FAM200B: variants seen among roughly 807,000 people sequenced by gnomAD.
The protein encoded by FAM200B is zinc finger BED-type containing 11.
FAM200B carries 32 observed loss-of-function variants against 33.1 expected under a neutral mutation model. The ratio of observed to expected loss-of-function variants is 0.97; its 90% confidence interval spans 0.73 to 1.30. The LOEUF is 1.30. Among genes scored for constraint, FAM200B ranks in the 50% most tolerant of loss-of-function variants. FAM200B has a pLI of 0.00. For missense variants in FAM200B, 741 were observed against 754.0 expected, an observed-to-expected ratio of 0.98 and a Z score of 0.20; for synonymous variants, 240 against 264.8, an observed-to-expected ratio of 0.91 and a Z score of 0.91.
chr4:15,645,488 C>A, the FAM200B span, among the ~76,000 whole-genome samples: 1 of 152,024 alleles, frequency 6.6e-6, no homozygotes, highest in Admixed American at 6.6e-5. Context: ...AGTGCAGGGG[C>A]ATGATCTCAG....
chr4:15,684,803 C>T (rs934529754), intron 1 of FAM200B: 1 of 152,116 alleles, frequency 6.6e-6, no homozygotes, highest in East Asian at 1.9e-4. Flanking sequence ...CTAATGTCCT[C>T]GACAGAGGAC....
the FAM200B span, chr4:15,638,356 T>C: frequency 4.1e-6 from 2 of 493,258 alleles, no homozygotes; most frequent in Non-Finnish European, 7.0e-6. Context: ...ACCATCGTCT[T>C]CAATTAAATT....
Position 15,690,072 on chromosome 4 carries a change from C to G in FAM200B, c.*1121C>G, listed in dbSNP as rs1393276725. On this transcript the variant is annotated 3_prime_UTR_variant, in exon 2 of 2. Transcript: ENST00000422728. ...TAACATCTCTAATTTGCAGTCATTCCCAAGAGTAATTATTAAATATGTGGC... is the reference window on the plus strand; with the variant it reads ...TAACATCTCTAATTTGCAGTCATTCGCAAGAGTAATTATTAAATATGTGGC... 6.0e-6 allele frequency: 1 copy of G among 166,920 alleles called. No individual in the cohort carries two copies. The highest frequency in any genetic ancestry group is 6.5e-5 in the Admixed American group (1 of 15,272). 10.3% of individuals were successfully genotyped at this position (166,920 alleles called of 1,614,324 possible).
At chr4:15,652,610 T>C in the FAM200B span, among the ~76,000 whole-genome samples, 1 of 152,200 alleles carries the variant, frequency 6.6e-6, no homozygotes, top group African/African-American at 2.4e-5. Context: ...TCTCATCCTA[T>C]TCACCTTTAT....
chr4:15,644,652 C>G, the FAM200B span: 2 of 1,613,970 alleles, frequency 1.2e-6, no homozygotes, highest in Non-Finnish European at 1.7e-6. Context: ...AAGTAGCATA[C>G]AAAGACTGCA....
chr4:15,670,635 C>G, the FAM200B span, among the ~76,000 whole-genome samples: 11 of 151,952 alleles, frequency 7.2e-5, no homozygotes, highest in African/African-American at 2.7e-4. Context: ...GCCCCTGGGC[C>G]CCTCCCCCCA....
rs1268376734 is a variant in FAM200B at position 15,688,318 on chromosome 4, G to A, written c.1341G>A (p.Gln447=). 6.5e-7 allele frequency: 1 copy of A among 1,550,188 alleles called. No individual in the cohort carries two copies. Among genetic ancestry groups the A allele is most frequent in the African/African-American group, 1.4e-5 (1 of 72,998 alleles). ...SILNELSLKL[Q]GKNSDVFQHV... is the part of the protein sequence containing the mutation. ...TTAATGAACTGAGTTTAAAACTACA[G>A]GGGAAAAACAGTGATGTATTCCAAC... Residue 447 remains glutamine (Q), a synonymous_variant, in exon 2 of 2, where the codon CAG becomes CAA. Coordinates refer to ENST00000422728, the MANE Select transcript of FAM200B (RefSeq NM_001145191.2).
the FAM200B span, among the ~76,000 whole-genome samples, chr4:15,661,563 A>C: frequency 7.2e-5 from 11 of 152,234 alleles, no homozygotes; most frequent in Admixed American, 3.3e-4. Flanking sequence ...TAACTGGAGA[A>C]GGGACTTGTC....
At chr4:15,672,038 T>C in the FAM200B span, among the ~76,000 whole-genome samples, 6 of 152,348 alleles carry the variant, frequency 3.9e-5, no homozygotes, top group Admixed American at 2.0e-4. Flanking sequence ...ATTGTGGATT[T>C]TACCTTTCTA....
Position 15,687,807 on chromosome 4 carries a change from A to G in FAM200B, c.830A>G (p.Glu277Gly). The G allele has an allele frequency of 6.4e-7, 1 of 1,551,058 alleles. No homozygotes were observed. The highest frequency in any genetic ancestry group is 8.7e-7 in the Non-Finnish European group (1 of 1,146,654). Residue 277 changes from glutamate (E) to glycine (G), a missense_variant, in exon 2 of 2, where the codon GAA (glutamate) becomes GGA (glycine). Coordinates refer to ENST00000422728, the MANE Select transcript of FAM200B (RefSeq NM_001145191.2). ...LSGLDIFTEL[E>G]RRIVGQYKLN... is the part of the protein sequence containing the mutation. The stretch of plus-strand genomic sequence containing the variant: ...GGATTAGATATTTTTACAGAATTAG[A>G]AAGGCGCATAGTTGGCCAATATAAA...
the FAM200B span, among the ~76,000 whole-genome samples, chr4:15,662,017 A>G: frequency 6.6e-6 from 1 of 152,198 alleles, no homozygotes; most frequent in Non-Finnish European, 1.5e-5. Context: ...AGGGCCAATA[A>G]AGAGAGAGAG....
upstream of FAM200B, among the ~76,000 whole-genome samples, chr4:15,679,568 A>C (rs994474366): frequency 4.0e-5 from 6 of 151,564 alleles, no homozygotes; most frequent in African/African-American, 1.5e-4. Context: ...GGAACAAAAA[A>C]AAAAAAAAAC....
the FAM200B span, among the ~76,000 whole-genome samples, chr4:15,666,658 T>C: frequency 6.6e-6 from 1 of 151,950 alleles, no homozygotes; most frequent in African/African-American, 2.4e-5. Flanking sequence ...TAGTGAGACC[T>C]TGTCTCTACT....
At chr4:15,662,458 C>G in the FAM200B span, among the ~76,000 whole-genome samples, 28 of 152,142 alleles carry the variant, frequency 1.8e-4, no homozygotes, top group African/African-American at 6.3e-4. Context: ...TAGGCTTTCA[C>G]AGTACCTGGC....
the FAM200B span, among the ~76,000 whole-genome samples, chr4:15,662,850 C>A: frequency 6.6e-6 from 1 of 152,134 alleles, no homozygotes; most frequent in East Asian, 1.9e-4. Flanking sequence ...TGTGGCTAAA[C>A]ATTATTCCCA....
the FAM200B span, among the ~76,000 whole-genome samples, chr4:15,645,300 T>A: frequency 2.6e-5 from 4 of 152,122 alleles, no homozygotes; most frequent in Non-Finnish European, 5.9e-5. Flanking sequence ...ATTAACTATC[T>A]TCTATAAAAA....
the FAM200B span, among the ~76,000 whole-genome samples, chr4:15,641,789 C>T: frequency 3.9e-5 from 6 of 152,110 alleles, no homozygotes; most frequent in East Asian, 1.9e-4. Context: ...CACTTTGGGA[C>T]GCAGAGGCAG....
the FAM200B span, chr4:15,659,869 G>A: frequency 8.2e-6 from 2 of 242,558 alleles, no homozygotes; most frequent in Non-Finnish European, 1.3e-5. Flanking sequence ...GCTACTCTCA[G>A]GGACAACTTG....
At position 15,687,996 on chromosome 4, in the gene FAM200B, A is replaced by T; in HGVS notation, c.1019A>T (p.Gln340Leu). The T allele has an allele frequency of 1.3e-6, 2 of 1,551,094 alleles. No individual in the cohort carries two copies. Among genetic ancestry groups the T allele is most frequent in the Non-Finnish European group, 1.7e-6 (2 of 1,146,494 alleles). ...REGLASREIP[Q>L]NLMEVLKNAV... Reference sequence around the variant, plus strand: ...GGTTTAGCATCCAGAGAAATTCCACAGAATCTCATGGAGGTATTGAAAAAT... The same window carrying T: ...GGTTTAGCATCCAGAGAAATTCCACTGAATCTCATGGAGGTATTGAAAAAT... Residue 340 changes from glutamine (Q) to leucine (L), a missense_variant, in exon 2 of 2, where the codon CAG becomes CTG. By Grantham distance (113) the Gln-to-Leu change is moderately radical. Coordinates refer to ENST00000422728, the MANE Select transcript of FAM200B (RefSeq NM_001145191.2).
Sources: allele counts gnomAD v4.1 joint callset (sites outside exome capture counted in the v4.1 genomes callset), GRCh38; gene constraint gnomAD v4.1.1; transcripts MANE v1.5; gene names NCBI Gene and HGNC (gene_info 2026-07-23, HGNC 2026-07-21).